The following GRM1 variants were observed in gnomAD, a reference collection of about 807,000 sequenced individuals.
GRM1 encodes metabotropic glutamate receptor 1.
In GRM1, 33 loss-of-function variants were observed where a neutral mutation model predicts 90.9. That is an observed-to-expected ratio of 0.36 (90% CI 0.28 to 0.49). GRM1 has a LOEUF of 0.49. GRM1 is among the 20% of genes least tolerant of loss of function. The pLI is 0.99. For synonymous variants in GRM1, 700 were observed against 613.2 expected, an observed-to-expected ratio of 1.14 and a Z score of -2.09; for missense variants, 1,190 against 1,534.3, an observed-to-expected ratio of 0.78 and a Z score of 3.75.
chr6:146,237,687 G>A (rs1376591559), intron 2 of GRM1, among the ~76,000 whole-genome samples: 1 of 152,020 alleles, frequency 6.6e-6, no homozygotes, highest in Non-Finnish European at 1.5e-5. Context: ...ACATTTCTTT[G>A]TGACTGGAGA....
chr6:146,129,745 T>C (rs942485742), intron 1 of GRM1, among the ~76,000 whole-genome samples: 3 of 152,164 alleles, frequency 2.0e-5, no homozygotes, highest in African/African-American at 7.2e-5. Context: ...AGGATCTCCC[T>C]ATGGCAGACA....
At chr6:146,093,685 C>T (rs1776782395) in intron 1 of GRM1, among the ~76,000 whole-genome samples, 2 of 151,962 alleles carry the variant, frequency 1.3e-5, no homozygotes, top group South Asian at 4.1e-4. Flanking sequence ...CTCAATTTTA[C>T]TATGAAAGTG....
At chr6:146,338,924 C>G (rs551103253) in intron 3 of GRM1, among the ~76,000 whole-genome samples, 29 of 152,182 alleles carry the variant, frequency 1.9e-4, no homozygotes, top group Non-Finnish European at 3.1e-4. Flanking sequence ...TAATAGCCAT[C>G]TTATGCCCAG....
At chr6:146,275,864 T>C (rs1342291204) in intron 2 of GRM1, among the ~76,000 whole-genome samples, 2 of 152,192 alleles carry the variant, frequency 1.3e-5, no homozygotes, top group African/African-American at 4.8e-5. Flanking sequence ...TTATTCTGCA[T>C]TGTGGTTTTG....
chr6:146,202,744 G>A (rs1779344098), intron 2 of GRM1, among the ~76,000 whole-genome samples: 3 of 152,170 alleles, frequency 2.0e-5, no homozygotes, highest in Admixed American at 1.3e-4. Flanking sequence ...TATTGTTTCT[G>A]AGTTGAGATT....
chr6:146,121,880 A>G (rs1011645840), intron 1 of GRM1, among the ~76,000 whole-genome samples: 2 of 152,178 alleles, frequency 1.3e-5, no homozygotes, highest in African/African-American at 2.4e-5. Flanking sequence ...AATAAGTGCA[A>G]TGTGGTGCTG....
chr6:146,085,464 A>C (rs1225658126), intron 1 of GRM1, among the ~76,000 whole-genome samples: 1 of 152,166 alleles, frequency 6.6e-6, no homozygotes, highest in Non-Finnish European at 1.5e-5. Context: ...ATGCCTCTGC[A>C]TGACCAGCTG....
At chr6:146,319,946 T>A (rs1443252707) in intron 3 of GRM1, among the ~76,000 whole-genome samples, 1 of 152,206 alleles carries the variant, frequency 6.6e-6, no homozygotes, top group Non-Finnish European at 1.5e-5. Context: ...CCTATTTGAA[T>A]ATCCTTTATT....
intron 7 of GRM1, among the ~76,000 whole-genome samples, chr6:146,423,160 T>C (rs1778062486): frequency 6.6e-6 from 1 of 152,256 alleles, no homozygotes; most frequent in Admixed American, 6.5e-5. Context: ...GACTTATATT[T>C]GACAAGCCCC....
chr6:146,193,781 C>A (rs1239701527), intron 2 of GRM1, among the ~76,000 whole-genome samples: 1 of 151,976 alleles, frequency 6.6e-6, no homozygotes, highest in Admixed American at 6.6e-5. Flanking sequence ...GTATTTTTAA[C>A]TCCATTTCTC....
chr6:146,177,873 G>A (rs1778390623), intron 2 of GRM1, among the ~76,000 whole-genome samples: 1 of 152,054 alleles, frequency 6.6e-6, no homozygotes, highest in African/African-American at 2.4e-5. Context: ...TCTTTATTCT[G>A]TGTATTAATT....
At chr6:146,041,918 T>C (rs947762233) in intron 1 of GRM1, among the ~76,000 whole-genome samples, 1 of 151,940 alleles carries the variant, frequency 6.6e-6, no homozygotes, top group Non-Finnish European at 1.5e-5. Context: ...ATGTCCAAGA[T>C]CAAGGCACCA....
intron 2 of GRM1, among the ~76,000 whole-genome samples, chr6:146,238,131 A>AAT (rs1477151757): frequency 2.0e-5 from 3 of 152,148 alleles, no homozygotes; most frequent in Non-Finnish European, 4.4e-5. Context: ...GCTCAGCAAC[A>AAT]AGCAAAACGA....
intron 5 of GRM1, chr6:146,365,256 A>T (rs187247529): frequency 6.6e-6 from 1 of 152,270 alleles, no homozygotes; most frequent in East Asian, 1.9e-4. Flanking sequence ...TTACTGTAGT[A>T]TCTTTGAATG....
At chr6:146,259,162 C>T (rs1306397446) in intron 2 of GRM1, among the ~76,000 whole-genome samples, 3 of 152,076 alleles carry the variant, frequency 2.0e-5, no homozygotes, top group African/African-American at 7.2e-5. Context: ...CCACCTCTTT[C>T]CTTGACTTAC....
At position 146,082,532 on chromosome 6, in the gene GRM1, C is replaced by T. The variant is rs546973380; in HGVS notation, c.700+52315C>T. Reference sequence around the variant, plus strand: ...TTGATATCTGTTTTGAAGTAAGAATCCCATGTCATTATCTTTAACCCCTTC... The same window carrying T: ...TTGATATCTGTTTTGAAGTAAGAATTCCATGTCATTATCTTTAACCCCTTC... On this transcript the variant is annotated intron_variant, in intron 1 of 7. Coordinates refer to ENST00000282753, the MANE Select transcript of GRM1 (RefSeq NM_001278064.2). 2.0e-5 allele frequency among the ~76,000 whole-genome samples: 3 copies of T among 152,232 alleles called. No homozygotes were observed. In the East Asian group the frequency reaches 5.8e-4, roughly 29 times the overall value.
chr6:146,207,158 T>A (rs1053614760), intron 2 of GRM1, among the ~76,000 whole-genome samples: 1 of 152,178 alleles, frequency 6.6e-6, no homozygotes, highest in African/African-American at 2.4e-5. Flanking sequence ...CTATTTATAT[T>A]CCTGTGGGTA....
At chr6:146,162,174 C>A (rs1222208289) in intron 2 of GRM1, among the ~76,000 whole-genome samples, 1 of 152,128 alleles carries the variant, frequency 6.6e-6, no homozygotes, top group Non-Finnish European at 1.5e-5. Flanking sequence ...GATCAGAAGC[C>A]ATTGTTTGGT....
chr6:146,395,918 T>C (rs1434529280), intron 6 of GRM1, among the ~76,000 whole-genome samples: 1 of 152,150 alleles, frequency 6.6e-6, no homozygotes, highest in African/African-American at 2.4e-5. Context: ...GTTTGCAGGA[T>C]GACAGCTAAA....
Sources: gnomAD v4.1 joint callset for allele counts (sites outside exome capture counted in the v4.1 genomes callset) on GRCh38, gnomAD v4.1.1 for gene constraint, MANE v1.5 for transcripts, NCBI Gene and HGNC (gene_info 2026-07-23, HGNC 2026-07-21) for gene names.